CFAP299: variants seen among roughly 807,000 people sequenced by gnomAD.
CFAP299 encodes the protein cilia- and flagella-associated protein 299.
CFAP299 carries 21 observed loss-of-function variants against 27.0 expected under a neutral mutation model. The observed-to-expected ratio is 0.78, with a 90% CI of 0.55 to 1.12. The LOEUF is 1.12. CFAP299 is among the 50% of genes most tolerant of loss of function. The probability of loss-of-function intolerance (pLI) is 0.00; values close to 1 mark genes in which losing one functional copy is unlikely to be tolerated. For missense variants in CFAP299, 310 were observed against 276.6 expected, an observed-to-expected ratio of 1.12 and a Z score of -0.86; for synonymous variants, 104 against 98.1, an observed-to-expected ratio of 1.06 and a Z score of -0.36.
At chr4:80,746,056 G>T (rs540755806) in intron 3 of CFAP299, among the ~76,000 whole-genome samples, 1 of 152,142 alleles carries the variant, frequency 6.6e-6, no homozygotes, top group South Asian at 2.1e-4. Context: ...AAGGTACAAA[G>T]AATTTAGGAC....
At chr4:80,785,935 C>A (rs956282757) in intron 3 of CFAP299, among the ~76,000 whole-genome samples, 2 of 152,066 alleles carry the variant, frequency 1.3e-5, no homozygotes, top group African/African-American at 4.8e-5. Flanking sequence ...TTGAGGTACA[C>A]TTCTTAAATC....
intron 3 of CFAP299, among the ~76,000 whole-genome samples, chr4:80,644,542 A>G (rs1214087511): frequency 1.3e-5 from 2 of 152,180 alleles, no homozygotes; most frequent in Non-Finnish European, 2.9e-5. Flanking sequence ...CACGTCGTGG[A>G]CTTTTTATAC....
intron 4 of CFAP299, among the ~76,000 whole-genome samples, chr4:80,912,734 C>A (rs1267775539): frequency 2.0e-5 from 3 of 152,116 alleles, no homozygotes; most frequent in African/African-American, 7.2e-5. Context: ...CCCATTCTGG[C>A]AGCACTAACT....
At chr4:80,522,381 G>A (rs1386128737) in intron 2 of CFAP299, among the ~76,000 whole-genome samples, 3 of 151,840 alleles carry the variant, frequency 2.0e-5, no homozygotes, top group East Asian at 1.9e-4. Context: ...TTGTAGGAGT[G>A]CCTTATATAT....
chr4:80,704,788 T>A (rs1363362176), intron 3 of CFAP299, among the ~76,000 whole-genome samples: 1 of 151,856 alleles, frequency 6.6e-6, no homozygotes, highest in Admixed American at 6.6e-5. Context: ...TAGCAAGCAC[T>A]TTTGGAGGTT....
Position 80,927,148 on chromosome 4 carries a change from C to G in CFAP299, c.477-17662C>G, listed in dbSNP as rs78596395. Among the ~76,000 whole-genome samples the G allele has an allele frequency of 6.1e-3, 930 of 152,152 alleles. 11 individuals carry two copies. The highest frequency in any genetic ancestry group is 0.021 in the African/African-American group (882 of 41,530). ...AAAGGCTATGAAGCTTTTAGTTTCTCTTTTTGCCTAAGGCTGTTTTTCTAT... is the reference window on the plus strand; with the variant it reads ...AAAGGCTATGAAGCTTTTAGTTTCTGTTTTTGCCTAAGGCTGTTTTTCTAT... On this transcript the variant is annotated intron_variant, in intron 4 of 5. Transcript: ENST00000358105.
At chr4:80,370,452 C>T (rs931615047) in intron 2 of CFAP299, among the ~76,000 whole-genome samples, 1 of 152,180 alleles carries the variant, frequency 6.6e-6, no homozygotes, top group Admixed American at 6.5e-5. Flanking sequence ...CCCAAAAGTC[C>T]ACAGTCCAAA....
intron 3 of CFAP299, among the ~76,000 whole-genome samples, chr4:80,843,068 TTA>T (rs1553898496): frequency 6.6e-6 from 1 of 151,084 alleles, no homozygotes; most frequent in African/African-American, 2.4e-5. Context: ...TCTTCTTTTT[TTA>T]TATATATATA....
At position 80,835,480 on chromosome 4, in the gene CFAP299, TA is replaced by T. The variant is rs75865319; in HGVS notation, c.334-34500del. Among the ~76,000 whole-genome samples the T allele has an allele frequency of 5.4e-3, 774 of 142,870 alleles. 3 individuals are homozygous for T. The highest frequency in any genetic ancestry group is 0.011 in the Middle Eastern group (3 of 280). 93.7% of individuals were successfully genotyped at this position (142,870 alleles called of 152,430 possible). A position where few individuals can be genotyped will look rare whatever the true frequency, so the allele number is the denominator to read the frequency against. ...ACACAACTGAGTATAGCACCCACAT[TA>T]AAAAAAAAAAAAGATTATTATGAGC... On this transcript the variant is annotated intron_variant, in intron 3 of 5. Coordinates refer to ENST00000358105, the MANE Select transcript of CFAP299 (RefSeq NM_152770.3).
At chr4:80,670,473 G>A (rs146836283) in intron 3 of CFAP299, among the ~76,000 whole-genome samples, 10,351 of 152,170 alleles carry the variant, frequency 0.068, 513 homozygotes, top group East Asian at 0.23. Context: ...CTTTATAGTA[G>A]CATGATTTAT....
At chr4:80,885,066 C>T (rs575742297) in intron 4 of CFAP299, among the ~76,000 whole-genome samples, 4 of 152,266 alleles carry the variant, frequency 2.6e-5, no homozygotes, top group African/African-American at 9.6e-5. Flanking sequence ...AGTTTAGTGA[C>T]TGGGTGACTT....
At chr4:80,408,667 A>G (rs1726552653) in intron 2 of CFAP299, among the ~76,000 whole-genome samples, 1 of 152,074 alleles carries the variant, frequency 6.6e-6, no homozygotes, top group South Asian at 2.1e-4. Flanking sequence ...AGACAGGTGC[A>G]TACTGGCCTC....
In CFAP299 at chr4:80,963,574, G is replaced by A. The variant is rs972287761; in HGVS notation, c.664G>A (p.Ala222Thr). The A allele has an allele frequency of 1.9e-6, 3 of 1,607,652 alleles. No homozygotes were observed. The Admixed American group carries it at 5.1e-5, about 27-fold the overall frequency. Residue 222 changes from alanine to threonine, a missense_variant, in exon 6 of 6, where the codon GCT (alanine) becomes ACT (threonine). Coordinates refer to ENST00000358105, the MANE Select transcript of CFAP299 (RefSeq NM_152770.3). ...TATCCTGACAGAACTCTACGTACAA[G>A]CTGTCATTTTTGACCACATTTCCAG... is the stretch of plus-strand genomic sequence containing the variant. Reference protein sequence around the residue: ...ITILTELYVQAVIFDHISRRK... With the variant: ...ITILTELYVQTVIFDHISRRK...
intron 2 of CFAP299, among the ~76,000 whole-genome samples, chr4:80,523,789 T>A (rs1733037735): frequency 6.6e-6 from 1 of 152,164 alleles, no homozygotes; most frequent in Non-Finnish European, 1.5e-5. Flanking sequence ...CTTTTCAGCC[T>A]CCACGATTGT....
chr4:80,599,875 T>C (rs1207152014), intron 3 of CFAP299, among the ~76,000 whole-genome samples: 1 of 152,142 alleles, frequency 6.6e-6, no homozygotes, highest in Non-Finnish European at 1.5e-5. Context: ...TTAGCAATGA[T>C]GCAAAGAAGG....
intron 3 of CFAP299, among the ~76,000 whole-genome samples, chr4:80,629,396 A>T (rs2109943550): frequency 6.6e-6 from 1 of 152,272 alleles, no homozygotes; most frequent in East Asian, 1.9e-4. Flanking sequence ...TCTATTGTAC[A>T]ACTTGGTGAC....
At chr4:80,401,270 C>T (rs1289539688) in intron 2 of CFAP299, among the ~76,000 whole-genome samples, 2 of 152,148 alleles carry the variant, frequency 1.3e-5, no homozygotes, top group East Asian at 3.9e-4. Flanking sequence ...TCCCCAACAC[C>T]GTGGGGAAGA....
At chr4:80,777,261 G>C (rs1726602486) in intron 3 of CFAP299, among the ~76,000 whole-genome samples, 1 of 152,044 alleles carries the variant, frequency 6.6e-6, no homozygotes, top group Non-Finnish European at 1.5e-5. Context: ...CATGTGTTCA[G>C]ATACAATATT....
chr4:80,386,762 G>A (rs1725031286), intron 2 of CFAP299: 1 of 1,430,724 alleles, frequency 7.0e-7, no homozygotes. Flanking sequence ...CAGCTTGTCC[G>A]GCCGGTTGAA....
Sources: allele counts gnomAD v4.1 joint callset (sites outside exome capture counted in the v4.1 genomes callset), GRCh38; gene constraint gnomAD v4.1.1; transcripts MANE v1.5; gene names NCBI Gene and HGNC (gene_info 2026-07-23, HGNC 2026-07-21).